Variants in PPM1E observed in about 807,000 individuals in gnomAD.
PPM1E encodes protein phosphatase 1E.
A neutral mutation model predicts 65.9 loss-of-function variants in PPM1E; 20 were observed. That is an observed-to-expected ratio of 0.30 (90% CI 0.21 to 0.44). PPM1E has a LOEUF of 0.44. Ranked by LOEUF, PPM1E falls within the 20% of genes least tolerant of loss-of-function variation. The probability of loss-of-function intolerance (pLI) is 1.00; values close to 1 mark genes in which losing one functional copy is unlikely to be tolerated. For missense variants in PPM1E, 713 were observed against 953.1 expected (o/e 0.75, Z 3.32); for synonymous variants, 352 against 374.9 (o/e 0.94, Z 0.70).
intron 1 of PPM1E, among the ~76,000 whole-genome samples, chr17:58,897,604 T>G (rs1435195912): frequency 6.6e-6 from 1 of 152,188 alleles, no homozygotes. Flanking sequence ...AGAAACATTT[T>G]ATAAGGTATA....
At chr17:58,840,208 C>A (rs1339046605) in intron 1 of PPM1E, among the ~76,000 whole-genome samples, 2 of 152,156 alleles carry the variant, frequency 1.3e-5, no homozygotes, top group African/African-American at 4.8e-5. Flanking sequence ...GAAGTATTGC[C>A]AACCAGGTAA....
intron 6 of PPM1E, among the ~76,000 whole-genome samples, chr17:58,979,202 C>T (rs139811842): frequency 9.9e-4 from 151 of 152,094 alleles, no homozygotes; most frequent in South Asian, 7.1e-3. Context: ...AGAAGTGGGG[C>T]GATGAGCAGA....
At chr17:58,816,730 A>G (rs2050418247) in intron 1 of PPM1E, among the ~76,000 whole-genome samples, 1 of 129,664 alleles carries the variant, frequency 7.7e-6, no homozygotes, top group Non-Finnish European at 1.6e-5. Flanking sequence ...TGTAGCATGT[A>G]TCAGAATATA....
chr17:58,967,519 TAGAGAGAG>T (rs757900792), intron 3 of PPM1E, among the ~76,000 whole-genome samples: 24 of 145,176 alleles, frequency 1.7e-4, no homozygotes, highest in Middle Eastern at 3.5e-3. Context: ...TATATATATA[TAGAGAGAG>T]AGAGAGAGAG....
rs1022642173 is a variant in PPM1E, at chr17:58,983,244, G to A, written c.*2213G>A. The A allele has an allele frequency of 4.7e-5, 11 of 233,776 alleles. No homozygotes were observed. The highest frequency in any genetic ancestry group is 9.1e-5 in the Non-Finnish European group (11 of 120,780). The allele number at this position is 233,776 out of a possible 1,614,324, so 14.5% of individuals were successfully genotyped here. ...AAATAAAGCAAAGTAGTTCTAGTGT[G>A]GTCGTTATAAACCAATATTGTGAAA... On this transcript the variant is annotated 3_prime_UTR_variant, in exon 7 of 7. Transcript: ENST00000308249.
At chr17:58,826,304 CAA>C (rs11479413) in intron 1 of PPM1E, among the ~76,000 whole-genome samples, 84 of 110,974 alleles carry the variant, frequency 7.6e-4, no homozygotes, top group Non-Finnish European at 8.1e-4. Context: ...GACTCGATCT[CAA>C]AAAAAAAAAA....
At chr17:58,805,995 C>CAAAAA (rs2050309804) in intron 1 of PPM1E, among the ~76,000 whole-genome samples, 2 of 70,682 alleles carry the variant, frequency 2.8e-5, no homozygotes, top group Admixed American at 1.4e-4. Context: ...CAAAACAAAA[C>CAAAAA]AAAACAAAAA....
At chr17:58,978,047 CAA>C (rs1453737362) in intron 6 of PPM1E, among the ~76,000 whole-genome samples, 3 of 152,104 alleles carry the variant, frequency 2.0e-5, no homozygotes, top group African/African-American at 7.2e-5. Context: ...TTTCTTGTGT[CAA>C]AGAGAACCTA....
At chr17:58,958,128 C>T (rs1441758672) in intron 2 of PPM1E, among the ~76,000 whole-genome samples, 2 of 152,094 alleles carry the variant, frequency 1.3e-5, no homozygotes, top group African/African-American at 4.8e-5. Flanking sequence ...GAGACCCTGT[C>T]TCAAACAATG....
intron 1 of PPM1E, among the ~76,000 whole-genome samples, chr17:58,836,548 T>G (rs993055734): frequency 5.3e-5 from 8 of 150,814 alleles, no homozygotes; most frequent in Non-Finnish European, 1.2e-4. Context: ...CACTGCAACC[T>G]CTGCCGCCCA....
At chr17:58,860,113 A>G (rs1478190427) in intron 1 of PPM1E, among the ~76,000 whole-genome samples, 3 of 152,226 alleles carry the variant, frequency 2.0e-5, no homozygotes, top group African/African-American at 7.2e-5. Context: ...GACATCCTCA[A>G]TACCCAGTTG....
At chr17:58,756,610 CG>C (rs2049768379) in intron 1 of PPM1E, 149 bp downstream of exon 1, 2 of 1,007,934 alleles carry the variant, frequency 2.0e-6, no homozygotes, top group Non-Finnish European at 2.6e-6. Context: ...CCCCGCTGCT[CG>C]GACCCGGGCG....
At chr17:58,931,506 A>G (rs1171834318) in intron 1 of PPM1E, among the ~76,000 whole-genome samples, 5 of 152,168 alleles carry the variant, frequency 3.3e-5, no homozygotes, top group Non-Finnish European at 4.4e-5. Context: ...GAGAGAGTAC[A>G]TCATGAGCCA....
chr17:58,887,355 C>T (rs1229752006), intron 1 of PPM1E, among the ~76,000 whole-genome samples: 2 of 151,844 alleles, frequency 1.3e-5, no homozygotes, highest in Non-Finnish European at 2.9e-5. Context: ...TTAGTAGAGA[C>T]GGGGTTTCTC....
chr17:58,769,893 G>A (rs1342504680), intron 1 of PPM1E, among the ~76,000 whole-genome samples: 1 of 152,016 alleles, frequency 6.6e-6, no homozygotes, highest in East Asian at 1.9e-4. Context: ...TGGGCATGGT[G>A]GTGCACACTT....
At chr17:58,790,842 G>A (rs1261938278) in intron 1 of PPM1E, among the ~76,000 whole-genome samples, 1 of 151,988 alleles carries the variant, frequency 6.6e-6, no homozygotes, top group Non-Finnish European at 1.5e-5. Context: ...TGAGAAGATC[G>A]AGAACTACAG....
intron 1 of PPM1E, among the ~76,000 whole-genome samples, chr17:58,830,671 T>C (rs976132824): frequency 1.3e-5 from 2 of 151,940 alleles, no homozygotes; most frequent in Non-Finnish European, 2.9e-5. Context: ...TGTGGTTTAC[T>C]TTATTTTTTT....
At chr17:58,849,920 C>T (rs2050808515) in intron 1 of PPM1E, among the ~76,000 whole-genome samples, 1 of 152,132 alleles carries the variant, frequency 6.6e-6, no homozygotes, top group Non-Finnish European at 1.5e-5. Context: ...GTCTAAGTCT[C>T]TTTGTAGGTC....
intron 1 of PPM1E, among the ~76,000 whole-genome samples, chr17:58,796,449 T>C (rs1030691200): frequency 1.3e-5 from 2 of 152,158 alleles, no homozygotes; most frequent in Non-Finnish European, 2.9e-5. Context: ...TCTTGTATTT[T>C]TGTAGAGAGA....
Sources: gnomAD v4.1 joint callset for allele counts (sites outside exome capture counted in the v4.1 genomes callset) on GRCh38, gnomAD v4.1.1 for gene constraint, MANE v1.5 for transcripts, NCBI Gene and HGNC (gene_info 2026-07-23, HGNC 2026-07-21) for gene names.